The following ANKS1B variants were observed in gnomAD, a reference collection of about 807,000 sequenced individuals.
The protein encoded by ANKS1B is ankyrin repeat and sterile alpha motif domain-containing protein 1B.
In ANKS1B, 36 loss-of-function variants were observed where a neutral mutation model predicts 148.3. The observed-to-expected ratio is 0.24, with a 90% CI of 0.19 to 0.32. The LOEUF (loss-of-function observed/expected upper bound fraction) is 0.32. Ranked by LOEUF, ANKS1B falls within the 10% of genes least tolerant of loss-of-function variation. ANKS1B has a pLI of 1.00. For missense variants in ANKS1B, 1,157 were observed against 1,542.6 expected (o/e 0.75, Z 4.19); for synonymous variants, 542 against 560.8 (o/e 0.97, Z 0.47).
intron 17 of ANKS1B, among the ~76,000 whole-genome samples, chr12:98,903,111 TAGAA>T (rs2099774360): frequency 6.6e-6 from 1 of 152,134 alleles, no homozygotes; most frequent in African/African-American, 2.4e-5. Context: ...TGAAATATAT[TAGAA>T]GGACAAAGGA....
chr12:98,929,997 A>G (rs1415316657), intron 17 of ANKS1B, among the ~76,000 whole-genome samples: 1 of 152,150 alleles, frequency 6.6e-6, no homozygotes, highest in Non-Finnish European at 1.5e-5. Flanking sequence ...AAGTAAAAAT[A>G]CAATCCACAA....
intron 9 of ANKS1B, among the ~76,000 whole-genome samples, chr12:99,611,099 T>C (rs1216678947): frequency 1.3e-5 from 2 of 152,092 alleles, no homozygotes; most frequent in Admixed American, 1.3e-4. Context: ...ACCTCTTCAA[T>C]TTCATAAACA....
chr12:98,749,137 C>T (rs777609939), intron 26 of ANKS1B, among the ~76,000 whole-genome samples: 4 of 151,908 alleles, frequency 2.6e-5, no homozygotes, highest in South Asian at 2.1e-4. Flanking sequence ...CCTGCTCTGT[C>T]GCCCAGGCTG....
chr12:98,981,204 G>T (rs2099909803), intron 17 of ANKS1B, among the ~76,000 whole-genome samples: 2 of 151,932 alleles, frequency 1.3e-5, no homozygotes, highest in South Asian at 4.2e-4. Context: ...CTACTCAGGA[G>T]CCATCTCACC....
intron 22 of ANKS1B, among the ~76,000 whole-genome samples, chr12:98,797,426 T>G (rs965105187): frequency 1.3e-5 from 2 of 152,184 alleles, no homozygotes; most frequent in Admixed American, 1.3e-4. Context: ...ACAATAATTG[T>G]ACTAGGGGAC....
intron 4 of ANKS1B, among the ~76,000 whole-genome samples, chr12:99,788,918 T>C (rs1408865175): frequency 1.3e-5 from 2 of 152,256 alleles, no homozygotes; most frequent in Non-Finnish European, 2.9e-5. Context: ...GACTTTGTAA[T>C]GAAGTGTGAG....
At chr12:98,961,796 CTTGT>C (rs1298242433) in intron 17 of ANKS1B, among the ~76,000 whole-genome samples, 1 of 151,954 alleles carries the variant, frequency 6.6e-6, no homozygotes, top group African/African-American at 2.4e-5. Flanking sequence ...TTTCTCTTTG[CTTGT>C]TTGTTAGTCT....
chr12:99,150,056 G>T (rs1162597799), intron 15 of ANKS1B, among the ~76,000 whole-genome samples: 6 of 152,170 alleles, frequency 3.9e-5, no homozygotes, highest in African/African-American at 1.4e-4. Context: ...ACTTAACACT[G>T]TCTCTGGCAC....
chr12:99,314,117 C>G (rs1045095086), intron 12 of ANKS1B, among the ~76,000 whole-genome samples: 1 of 152,098 alleles, frequency 6.6e-6, no homozygotes. Flanking sequence ...TTCCTATACA[C>G]CAACAATAGA....
intron 17 of ANKS1B, among the ~76,000 whole-genome samples, chr12:99,050,193 A>G (rs1258963908): frequency 6.6e-6 from 1 of 152,234 alleles, no homozygotes; most frequent in African/African-American, 2.4e-5. Context: ...GTTGGGATAA[A>G]CAAGTCTTGA....
chr12:99,977,562 T>G (rs1326732302), intron 1 of ANKS1B, among the ~76,000 whole-genome samples: 1 of 152,222 alleles, frequency 6.6e-6, no homozygotes, highest in East Asian at 1.9e-4. Flanking sequence ...GGTCATATTT[T>G]TTGATCCATC....
chr12:99,122,501 G>A (rs555305092), intron 15 of ANKS1B, among the ~76,000 whole-genome samples: 2 of 152,276 alleles, frequency 1.3e-5, no homozygotes, highest in South Asian at 4.1e-4. Context: ...AGAGATGTAG[G>A]TGTTTCGAGT....
chr12:98,741,663 C>T (rs74707541), downstream of ANKS1B, among the ~76,000 whole-genome samples: 375 of 152,276 alleles, frequency 2.5e-3, no homozygotes, highest in African/African-American at 8.1e-3. Context: ...AGAAACGGCC[C>T]GCTAAAATGG....
chr12:99,359,209 G>C (rs1259416878), intron 12 of ANKS1B, among the ~76,000 whole-genome samples: 3 of 152,006 alleles, frequency 2.0e-5, no homozygotes, highest in Non-Finnish European at 4.4e-5. Context: ...CCAACTTTAT[G>C]CATTTCCTCT....
At chr12:99,930,546 G>A (rs1175405794) in intron 1 of ANKS1B, among the ~76,000 whole-genome samples, 1 of 152,132 alleles carries the variant, frequency 6.6e-6, no homozygotes, top group Admixed American at 6.5e-5. Context: ...TTGAACAGGA[G>A]TGGTGAGAGA....
chr12:99,599,880 A>T (rs952187121), intron 9 of ANKS1B, among the ~76,000 whole-genome samples: 2 of 150,918 alleles, frequency 1.3e-5, no homozygotes, highest in Non-Finnish European at 3.0e-5. Flanking sequence ...GTATACATCT[A>T]AATTTGAAAA....
At chr12:99,305,626 GT>G (rs1206680467) in intron 12 of ANKS1B, among the ~76,000 whole-genome samples, 1 of 152,034 alleles carries the variant, frequency 6.6e-6, no homozygotes, top group Non-Finnish European at 1.5e-5. Context: ...AAGAAATCTT[GT>G]TTCATCAAAA....
chr12:99,733,785 T>C (rs958213427), intron 8 of ANKS1B, among the ~76,000 whole-genome samples: 4 of 152,168 alleles, frequency 2.6e-5, no homozygotes, highest in African/African-American at 7.2e-5. Flanking sequence ...TAAATAATGG[T>C]TAACACTCTT....
chr12:99,806,662 T>C lies in ANKS1B; in HGVS notation c.411A>G (p.Gln137=), dbSNP rs752063064. The part of the protein sequence containing the change: ...ENETALHCAA[Q]YGHSEVVAVL... Reference sequence around the variant, plus strand: ...CAGCAACTACTTCTGAGTGTCCATATTGAGCTGCACAGTGTAGGGCAGTTT... The same window carrying C: ...CAGCAACTACTTCTGAGTGTCCATACTGAGCTGCACAGTGTAGGGCAGTTT... Residue 137 remains glutamine (Q), a synonymous_variant, in exon 4 of 27, where the codon CAA becomes CAG. Transcript: ENST00000683438. 19 of 1,613,860 alleles carry C rather than the reference T, an allele frequency of 1.2e-5. No homozygotes were observed. Among genetic ancestry groups the C allele is most frequent in the Non-Finnish European group, 1.4e-5 (17 of 1,179,868 alleles).
Sources: allele counts gnomAD v4.1 joint callset (sites outside exome capture counted in the v4.1 genomes callset), GRCh38; gene constraint gnomAD v4.1.1; transcripts MANE v1.5; gene names NCBI Gene and HGNC (gene_info 2026-07-23, HGNC 2026-07-21).